Variants in SLC35F1 observed in about 807,000 individuals in gnomAD.
SLC35F1 encodes the protein chromosome 6 open reading frame 169.
In SLC35F1, 14 loss-of-function variants were observed where a neutral mutation model predicts 48.7. The ratio of observed to expected loss-of-function variants is 0.29; its 90% confidence interval spans 0.19 to 0.45. The LOEUF is 0.45. Ranked by LOEUF, SLC35F1 falls within the 20% of genes least tolerant of loss-of-function variation. The pLI is 1.00. For synonymous variants in SLC35F1, 190 were observed against 202.2 expected (o/e 0.94, Z 0.51); for missense variants, 404 against 500.0 (o/e 0.81, Z 1.83).
intron 2 of SLC35F1, among the ~76,000 whole-genome samples, chr6:118,214,884 G>A (rs978717063): frequency 6.6e-6 from 1 of 152,170 alleles, no homozygotes; most frequent in African/African-American, 2.4e-5. Context: ...CCTTAGTTCT[G>A]TTTATGAATG....
chr6:118,018,960 T>G (rs1344164048), intron 1 of SLC35F1, among the ~76,000 whole-genome samples: 1 of 152,196 alleles, frequency 6.6e-6, no homozygotes, highest in African/African-American at 2.4e-5. Flanking sequence ...ACTGTCAGAA[T>G]AGACTGAAAA....
At chr6:117,987,654 G>A (rs1368121777) in intron 1 of SLC35F1, among the ~76,000 whole-genome samples, 2 of 152,144 alleles carry the variant, frequency 1.3e-5, no homozygotes, top group Non-Finnish European at 1.5e-5. Context: ...TGGGGGTGGT[G>A]TAGAAAAGAA....
chr6:118,185,935 A>G (rs186804616), intron 2 of SLC35F1, among the ~76,000 whole-genome samples: 2 of 152,282 alleles, frequency 1.3e-5, no homozygotes, highest in East Asian at 1.9e-4. Flanking sequence ...CCCAAAACCC[A>G]TAACATTTTG....
At chr6:118,168,237 G>A (rs536896909) in intron 2 of SLC35F1, among the ~76,000 whole-genome samples, 2 of 152,082 alleles carry the variant, frequency 1.3e-5, no homozygotes, top group East Asian at 3.9e-4. Context: ...CTTGGTTGCT[G>A]GGCTTCTATG....
chr6:118,042,637 C>A (rs7741221), intron 1 of SLC35F1, among the ~76,000 whole-genome samples: 2,619 of 152,146 alleles, frequency 0.017, 75 homozygotes, highest in African/African-American at 0.059. Context: ...TACCTGGTGG[C>A]AGTATGGAGG....
At chr6:118,048,379 G>A (rs1471419162) in intron 1 of SLC35F1, among the ~76,000 whole-genome samples, 1 of 152,018 alleles carries the variant, frequency 6.6e-6, no homozygotes, top group African/African-American at 2.4e-5. Flanking sequence ...TTTGGTATCA[G>A]GATGATGCTG....
intron 2 of SLC35F1, among the ~76,000 whole-genome samples, chr6:118,182,519 A>AAGGAAGGAAGGAAG (rs752942549): frequency 1.1e-3 from 116 of 106,342 alleles, no homozygotes; most frequent in South Asian, 6.5e-3. Flanking sequence ...AGAGAGAGAG[A>AAGGAAGGAAGGAAG]GAAGGAAGGA....
At chr6:118,164,639 CTG>C (rs1221530625) in intron 2 of SLC35F1, among the ~76,000 whole-genome samples, 1 of 152,128 alleles carries the variant, frequency 6.6e-6, no homozygotes, top group Non-Finnish European at 1.5e-5. Flanking sequence ...AAACAATAAA[CTG>C]AATATAATAT....
chr6:118,056,330 A>G (rs961291937), intron 1 of SLC35F1, among the ~76,000 whole-genome samples: 1 of 152,170 alleles, frequency 6.6e-6, no homozygotes, highest in African/African-American at 2.4e-5. Context: ...TTAAAAATTA[A>G]TGTTTTTTCT....
At position 118,218,578 on chromosome 6, in the gene SLC35F1, C is replaced by A. The variant is rs1775105010; in HGVS notation, c.350-16931C>A. Among the ~76,000 whole-genome samples the A allele has an allele frequency of 3.3e-5, 5 of 152,126 alleles. No individual in the cohort carries two copies. In the South Asian group the frequency reaches 6.2e-4, roughly 19 times the overall value. On this transcript the variant is annotated intron_variant, in intron 2 of 7. Coordinates refer to ENST00000360388, the MANE Select transcript of SLC35F1 (RefSeq NM_001029858.4). ...ATTTTAGCTTACGCCTGTTTCTTACCTCCTATCTTGACTCCTAATTGGTAA... is the reference window on the plus strand; with the variant it reads ...ATTTTAGCTTACGCCTGTTTCTTACATCCTATCTTGACTCCTAATTGGTAA...
chr6:118,069,446 C>A (rs1226667630), intron 1 of SLC35F1, among the ~76,000 whole-genome samples: 1 of 152,082 alleles, frequency 6.6e-6, no homozygotes, highest in African/African-American at 2.4e-5. Flanking sequence ...TATTTAATAT[C>A]TTTTTTTCCA....
intron 2 of SLC35F1, among the ~76,000 whole-genome samples, chr6:118,216,651 C>T (rs992208126): frequency 6.6e-6 from 1 of 151,968 alleles, no homozygotes; most frequent in Non-Finnish European, 1.5e-5. Flanking sequence ...TATTAATTGT[C>T]AATAATATAC....
chr6:118,235,782 CTA>C, intron 3 of SLC35F1, 146 bp downstream of exon 3: 1 of 678,784 alleles, frequency 1.5e-6, no homozygotes, highest in Non-Finnish European at 2.1e-6. Context: ...ATTCTGTATA[CTA>C]TAAGTCTATG....
intron 1 of SLC35F1, among the ~76,000 whole-genome samples, chr6:118,153,143 G>A (rs7766053): frequency 0.02 from 2,996 of 152,186 alleles, 115 homozygotes; most frequent in African/African-American, 0.068. Flanking sequence ...CTCTGTGCTC[G>A]TTCCAGAAAA....
At chr6:118,120,332 G>T (rs1338550890) in intron 1 of SLC35F1, among the ~76,000 whole-genome samples, 1 of 152,064 alleles carries the variant, frequency 6.6e-6, no homozygotes, top group Non-Finnish European at 1.5e-5. Context: ...TCAACTAACT[G>T]CCGTCTCATC....
intron 1 of SLC35F1, among the ~76,000 whole-genome samples, chr6:118,133,657 T>G (rs1204871951): frequency 6.6e-6 from 1 of 152,242 alleles, no homozygotes. Flanking sequence ...GTTTTGAATT[T>G]TTTTCTCTTT....
At chr6:117,907,970 C>G in intron 1 of SLC35F1, 71 bp downstream of exon 1, 1 of 1,263,592 alleles carries the variant, frequency 7.9e-7, no homozygotes, top group Non-Finnish European at 1.0e-6. Context: ...TCCCCTCCGT[C>G]CCTGGGGCGG....
chr6:117,973,535 A>C (rs921980964), intron 1 of SLC35F1, among the ~76,000 whole-genome samples: 1 of 151,704 alleles, frequency 6.6e-6, no homozygotes, highest in South Asian at 2.1e-4. Flanking sequence ...CTTGTTTTTA[A>C]ATTTATTATT....
chr6:118,074,025 A>C (rs1159061935), intron 1 of SLC35F1, among the ~76,000 whole-genome samples: 1 of 152,196 alleles, frequency 6.6e-6, no homozygotes, highest in Non-Finnish European at 1.5e-5. Context: ...ATATAAACTC[A>C]ATTACTTTAG....
Sources: allele counts gnomAD v4.1 joint callset (sites outside exome capture counted in the v4.1 genomes callset), GRCh38; gene constraint gnomAD v4.1.1; transcripts MANE v1.5; gene names NCBI Gene and HGNC (gene_info 2026-07-23, HGNC 2026-07-21).